The following LUZP1 variants were observed in gnomAD, a reference collection of about 807,000 sequenced individuals.
The protein encoded by LUZP1 is filamin mechanobinding actin cross-linking protein.
LUZP1 carries 25 observed loss-of-function variants against 71.3 expected under a neutral mutation model. The ratio of observed to expected loss-of-function variants is 0.35; its 90% CI spans 0.26 to 0.49. The LOEUF (loss-of-function observed/expected upper bound fraction) is 0.49. Ranked by LOEUF, LUZP1 falls within the 20% of genes least tolerant of loss-of-function variation. The pLI is 0.99. For missense variants in LUZP1, 1,142 were observed against 1,300.8 expected (o/e 0.88, Z 1.88); for synonymous variants, 481 against 506.4 (o/e 0.95, Z 0.67).
intron 2 of LUZP1, among the ~76,000 whole-genome samples, chr1:23,117,366 C>G (rs114296613): frequency 7.3e-5 from 11 of 150,784 alleles, no homozygotes; most frequent in Non-Finnish European, 1.3e-4. Context: ...ACATTAAATG[C>G]CTAAGCACAT....
intron 1 of LUZP1, among the ~76,000 whole-genome samples, chr1:23,174,664 T>C (rs1644572345): frequency 6.6e-6 from 1 of 152,106 alleles, no homozygotes; most frequent in Non-Finnish European, 1.5e-5. Context: ...AGTATTACTG[T>C]GTCATCAGAA....
intron 2 of LUZP1, among the ~76,000 whole-genome samples, chr1:23,157,831 A>C (rs1479088874): frequency 7.3e-6 from 1 of 136,594 alleles, no homozygotes; most frequent in Non-Finnish European, 1.5e-5. Flanking sequence ...TAATACATAA[A>C]TCTTGCCCCT....
Position 23,094,299 on chromosome 1 carries a change from A to G in LUZP1, c.-38T>C. ...CCAATGTGGGCTCCTAGAGGCATCC[A>G]ATTCCACTCAAGGGGATGAGAAATG... On this transcript the variant is annotated 5_prime_UTR_variant, in exon 4 of 5. Transcript: ENST00000302291. The surrounding 1 kb of genome is among the most constrained non-coding windows in gnomAD (Gnocchi z 4.7). 6.5e-7 allele frequency: 1 copy of G among 1,537,406 alleles called. No individual in the cohort carries two copies. The highest frequency in any genetic ancestry group is 2.3e-5 in the East Asian group (1 of 44,126).
At chr1:23,152,972 C>A (rs1289758846) in intron 2 of LUZP1, among the ~76,000 whole-genome samples, 4 of 152,130 alleles carry the variant, frequency 2.6e-5, no homozygotes, top group Admixed American at 2.6e-4. Flanking sequence ...AAATTCATGC[C>A]TGCAGCATAA....
intron 1 of LUZP1, among the ~76,000 whole-genome samples, chr1:23,173,513 C>G (rs531426866): frequency 1.1e-4 from 16 of 151,722 alleles, no homozygotes; most frequent in African/African-American, 3.9e-4. Context: ...GCCAACAAGC[C>G]CAGCTAATTT....
At chr1:23,090,801 G>A (rs982181568) in intron 4 of LUZP1, 17 of 710,826 alleles carry the variant, frequency 2.4e-5, no homozygotes, top group Admixed American at 8.0e-5. Context: ...AAAGGGCACC[G>A]GGCCTCCTCC....
intron 2 of LUZP1, among the ~76,000 whole-genome samples, chr1:23,119,251 C>CTTTTTTTT (rs35522356): frequency 2.4e-4 from 17 of 70,020 alleles, no homozygotes; most frequent in African/African-American, 3.6e-4. Context: ...GTGACTAGCT[C>CTTTTTTTT]TTTTTTTTTT....
chr1:23,116,317 C>A (rs1016765955), intron 2 of LUZP1, among the ~76,000 whole-genome samples: 1 of 152,138 alleles, frequency 6.6e-6, no homozygotes, highest in African/African-American at 2.4e-5. Flanking sequence ...GAGACTGAGG[C>A]TGCAGTGAGT....
At chr1:23,172,831 A>G (rs746584490) in intron 1 of LUZP1, among the ~76,000 whole-genome samples, 16 of 149,528 alleles carry the variant, frequency 1.1e-4, no homozygotes, top group Middle Eastern at 3.6e-3. Flanking sequence ...TTATTTATTT[A>G]TTTTTATTTT....
At chr1:23,158,602 G>A (rs1425936299) in intron 2 of LUZP1, among the ~76,000 whole-genome samples, 1 of 135,138 alleles carries the variant, frequency 7.4e-6, no homozygotes, top group Admixed American at 8.0e-5. Flanking sequence ...AGCCGAGATC[G>A]TGCCATTGCA....
In LUZP1 at chr1:23,093,555, T is replaced by C. The variant is rs1643875960; in HGVS notation, c.707A>G (p.Glu236Gly). Residue 236 changes from glutamate to glycine, a missense_variant, in exon 4 of 5, where the codon GAA becomes GGA. By Grantham distance (98) the Glu-to-Gly change is moderately conservative (BLOSUM62 -2). Coordinates refer to ENST00000302291, the Ensembl canonical transcript of LUZP1. This position sits in a 1 kb window ranked among gnomAD's most constrained non-coding sequence, Gnocchi z 4.2. ...ATCCTCAATCCGTAGGTCATTTCTT[T>C]CCAGATTAGAAGCATTCCTTGTATA... 3.7e-6 allele frequency: 6 copies of C among 1,613,964 alleles called. No homozygotes were observed. The highest frequency in any genetic ancestry group is 5.1e-6 in the Non-Finnish European group (6 of 1,179,992).
Position 23,088,958 on chromosome 1 carries a change from C to T in LUZP1, c.3168G>A (p.Glu1056=), listed in dbSNP as rs758422804. ...GTTCCTCGGCCCGTACTCGCCCAGA[C>T]TCTGGCAGCCCCTGCTTCCCAGGCA... is the stretch of plus-strand genomic sequence containing the variant. The change falls in exon 5 of 5, where the codon GAG becomes GAA. Residue 1056 remains glutamate (E), a synonymous_variant. Transcript: ENST00000302291. The T allele has an allele frequency of 2.5e-6, 4 of 1,614,078 alleles. No homozygotes were observed. The South Asian group carries it at 3.3e-5, about 13-fold the overall frequency.
At chr1:23,109,320 CAAGA>C (rs1644009634) in intron 2 of LUZP1, among the ~76,000 whole-genome samples, 193 bp from the exon 2 acceptor site, 1 of 152,180 alleles carries the variant, frequency 6.6e-6, no homozygotes, top group African/African-American at 2.4e-5. Context: ...TCAGGAAAGT[CAAGA>C]AAGAATTTGG....
exon 4 of LUZP1, chr1:23,092,228 G>A (rs1643864595): frequency 1.2e-6 from 2 of 1,614,144 alleles, no homozygotes; most frequent in East Asian, 4.5e-5. Flanking sequence ...GCTCTGGAGT[G>A]ATGGTTGTAT....
chr1:23,131,590 C>CA lies in LUZP1; in HGVS notation c.-225-22464dup, dbSNP rs202160723. On this transcript the variant is annotated intron_variant, in intron 2 of 4. Coordinates refer to ENST00000302291, the Ensembl canonical transcript of LUZP1. Reference sequence around the variant, plus strand: ...AGAAGGCAGTCAATAAATATTAATCCAAAAAAAACGAGTTTGTTTCCTCTC... The same window carrying CA: ...AGAAGGCAGTCAATAAATATTAATCCAAAAAAAAACGAGTTTGTTTCCTCTC... Among the ~76,000 whole-genome samples the CA allele has an allele frequency of 2.4e-3, 367 of 151,808 alleles. 5 individuals carry two copies. The highest frequency in any genetic ancestry group is 8.1e-3 in the African/African-American group (334 of 41,404).
intron 2 of LUZP1, among the ~76,000 whole-genome samples, chr1:23,119,963 A>ACAG (rs1441018860): frequency 6.6e-6 from 1 of 151,256 alleles, no homozygotes; most frequent in Non-Finnish European, 1.5e-5. Context: ...TTTTTTAAAG[A>ACAG]CAGAGTCGTG....
intron 2 of LUZP1, among the ~76,000 whole-genome samples, chr1:23,145,211 A>C (rs1644332806): frequency 6.6e-6 from 1 of 151,838 alleles, no homozygotes; most frequent in African/African-American, 2.4e-5. Flanking sequence ...TATTTCTTTT[A>C]ATTTTGTTCT....
intron 2 of LUZP1, among the ~76,000 whole-genome samples, chr1:23,138,312 TA>T (rs1465855499): frequency 6.6e-6 from 1 of 152,080 alleles, no homozygotes; most frequent in Admixed American, 6.6e-5. Context: ...TTATTAGCCT[TA>T]AAAAAATAAA....
At chr1:23,137,255 G>C (rs937677663) in intron 2 of LUZP1, among the ~76,000 whole-genome samples, 1 of 152,208 alleles carries the variant, frequency 6.6e-6, no homozygotes, top group Non-Finnish European at 1.5e-5. Context: ...CAAAGGATTT[G>C]CACAGGCATT....
Sources: gnomAD v4.1 joint callset for allele counts (sites outside exome capture counted in the v4.1 genomes callset) on GRCh38, gnomAD v4.1.1 for gene constraint, Gnocchi (gnomAD v3.1) non-coding constraint, MANE v1.5 for transcripts, NCBI Gene and HGNC (gene_info 2026-07-23, HGNC 2026-07-21) for gene names.